The following RBFOX1 variants were observed in gnomAD, a reference collection of about 807,000 sequenced individuals.
The protein encoded by RBFOX1 is RNA binding fox-1 homolog 1.
A neutral mutation model predicts 57.7 loss-of-function variants in RBFOX1; 8 were observed. The ratio of observed to expected loss-of-function variants is 0.14; its 90% CI spans 0.08 to 0.25. RBFOX1 has a LOEUF of 0.25. Ranked by LOEUF, RBFOX1 falls within the 10% of genes least tolerant of loss-of-function variation. RBFOX1 has a pLI of 1.00. For missense variants in RBFOX1, 611 were observed against 548.5 expected (o/e 1.11, Z -1.14); for synonymous variants, 326 against 222.4 (o/e 1.47, Z -4.15).
intron 2 of RBFOX1, among the ~76,000 whole-genome samples, chr16:5,585,609 G>A (rs1037383017): frequency 6.6e-6 from 1 of 152,182 alleles, no homozygotes; most frequent in African/African-American, 2.4e-5. Context: ...GAGACTATGG[G>A]ATATCCCGAT....
At chr16:7,365,594 C>G (rs1181987550) in intron 4 of RBFOX1, among the ~76,000 whole-genome samples, 1 of 152,160 alleles carries the variant, frequency 6.6e-6, no homozygotes, top group Non-Finnish European at 1.5e-5. Context: ...ACGGATGTTG[C>G]TAAACATTTG....
At chr16:6,356,312 C>G (rs188940606) in intron 2 of RBFOX1, among the ~76,000 whole-genome samples, 2 of 152,280 alleles carry the variant, frequency 1.3e-5, no homozygotes, top group African/African-American at 4.8e-5. Context: ...ATCAGGGTCA[C>G]GTCAGCCAGC....
rs562696224 is a variant in RBFOX1, at chr16:6,460,819, C to G, written c.-64+143762C>G. Among the ~76,000 whole-genome samples, 577 of 84,704 alleles carry G rather than the reference C, an allele frequency of 6.8e-3. 7 individuals are homozygous for G. The highest frequency in any genetic ancestry group is 0.04 in the Admixed American group (259 of 6,488). 55.6% of individuals were successfully genotyped at this position (84,704 alleles called of 152,430 possible). A position where few individuals can be genotyped will look rare whatever the true frequency, so the allele number is the denominator to read the frequency against. On this transcript the variant is annotated intron_variant, in intron 2 of 15. Coordinates refer to ENST00000550418, the MANE Select transcript of RBFOX1 (RefSeq NM_018723.4). ...CGTATATGTTAATAGAAGCACTATT[C>G]AGAATACCAAAAAAAAAAAAAAGTG...
chr16:5,443,595 C>T (rs1567518307), intron 1 of RBFOX1, among the ~76,000 whole-genome samples: 1 of 152,212 alleles, frequency 6.6e-6, no homozygotes, highest in African/African-American at 2.4e-5. Context: ...CCACCTTGGC[C>T]TCCCAAAGTA....
intron 4 of RBFOX1, among the ~76,000 whole-genome samples, chr16:7,497,287 T>G (rs888661905): frequency 8.5e-5 from 13 of 152,184 alleles, no homozygotes; most frequent in Admixed American, 1.3e-4. Context: ...TCCTGTTTTC[T>G]GTGTTCTTTT....
chr16:5,867,392 G>A, intron 4 of RBFOX1: 1 of 1,023,508 alleles, frequency 9.8e-7, no homozygotes, highest in Middle Eastern at 3.5e-4. Flanking sequence ...GGTTTCTTTT[G>A]TGATGGAGTG....
chr16:5,880,218 C>G (rs898626702), intron 4 of RBFOX1, among the ~76,000 whole-genome samples: 3 of 152,170 alleles, frequency 2.0e-5, no homozygotes, highest in Non-Finnish European at 2.9e-5. Context: ...TCAGAGGGCT[C>G]AAACTATTTG....
intron 3 of RBFOX1, among the ~76,000 whole-genome samples, chr16:5,853,102 T>A (rs1204595635): frequency 6.6e-6 from 1 of 152,012 alleles, no homozygotes; most frequent in Non-Finnish European, 1.5e-5. Flanking sequence ...TGGAGTCATC[T>A]CTTGTGTAGA....
chr16:7,073,131 G>A (rs2057658752), intron 4 of RBFOX1, among the ~76,000 whole-genome samples: 1 of 152,194 alleles, frequency 6.6e-6, no homozygotes, highest in Admixed American at 6.5e-5. Flanking sequence ...GTGTATCTTA[G>A]GGCAAGGGTC....
chr16:6,330,010 A>T (rs1019238977), intron 2 of RBFOX1, among the ~76,000 whole-genome samples: 1 of 152,194 alleles, frequency 6.6e-6, no homozygotes. Context: ...GTATGATTTT[A>T]AAAATATTGA....
intron 3 of RBFOX1, among the ~76,000 whole-genome samples, chr16:6,879,097 TAGC>T (rs2062402903): frequency 6.6e-6 from 1 of 152,206 alleles, no homozygotes; most frequent in African/African-American, 2.4e-5. Context: ...AATGAGCTAA[TAGC>T]TTGAATATAT....
At chr16:5,936,606 A>AG (rs1368951623) in intron 4 of RBFOX1, among the ~76,000 whole-genome samples, 2 of 152,212 alleles carry the variant, frequency 1.3e-5, no homozygotes, top group Non-Finnish European at 2.9e-5. Context: ...GTGGAGACAC[A>AG]GGTCAGATTG....
At chr16:5,603,124 C>T (rs73525608), downstream of RBFOX1, among the ~76,000 whole-genome samples, 5,448 of 152,292 alleles carry the variant, frequency 0.036, 330 homozygotes, top group African/African-American at 0.12. Context: ...CTTTTTCTGA[C>T]CTCCACCTGT....
intron 4 of RBFOX1, among the ~76,000 whole-genome samples, chr16:7,081,234 C>T (rs1409312161): frequency 6.6e-6 from 1 of 152,152 alleles, no homozygotes; most frequent in Non-Finnish European, 1.5e-5. Flanking sequence ...AGGGTTTCGC[C>T]ATGTTGGCTG....
intron 2 of RBFOX1, among the ~76,000 whole-genome samples, 170 bp from the exon 3 acceptor site, chr16:6,654,433 A>G (rs1205326042): frequency 3.3e-5 from 5 of 152,212 alleles, no homozygotes; most frequent in African/African-American, 1.2e-4. Context: ...ACACCGCAGT[A>G]TGTACCTTTA....
At chr16:5,943,895 A>G (rs1164791721) in intron 4 of RBFOX1, among the ~76,000 whole-genome samples, 1 of 151,582 alleles carries the variant, frequency 6.6e-6, no homozygotes, top group Non-Finnish European at 1.5e-5. Context: ...CCAGCCATTC[A>G]TCTACTCATC....
At chr16:6,920,728 A>C (rs1451794863) in intron 3 of RBFOX1, among the ~76,000 whole-genome samples, 1 of 152,134 alleles carries the variant, frequency 6.6e-6, no homozygotes, top group Admixed American at 6.5e-5. Context: ...GCATCACTCC[A>C]GTCTTTACTT....
intron 3 of RBFOX1, among the ~76,000 whole-genome samples, chr16:6,803,326 C>T (rs1241515863): frequency 6.6e-6 from 1 of 152,130 alleles, no homozygotes; most frequent in East Asian, 1.9e-4. Context: ...TCATTGGAAG[C>T]AGAAAACTAC....
intron 1 of RBFOX1, among the ~76,000 whole-genome samples, chr16:5,459,167 C>A (rs1420890988): frequency 1.3e-5 from 2 of 152,190 alleles, no homozygotes; most frequent in Non-Finnish European, 2.9e-5. Context: ...ACATTCTAGG[C>A]AGTAATGACA....
Sources: gnomAD v4.1 joint callset for allele counts (sites outside exome capture counted in the v4.1 genomes callset) on GRCh38, gnomAD v4.1.1 for gene constraint, MANE v1.5 for transcripts, NCBI Gene and HGNC (gene_info 2026-07-23, HGNC 2026-07-21) for gene names.